The following GALNT13 variants were observed in gnomAD, a reference collection of about 807,000 sequenced individuals.
The protein encoded by GALNT13 is polypeptide N-acetylgalactosaminyltransferase 13, also known as UDP-GalNAc:polypeptide N-acetylgalactosaminyltransferase 13.
Under a neutral mutation model 64.2 loss-of-function variants are expected in GALNT13, and 28 were observed. The ratio of observed to expected loss-of-function variants is 0.44; its 90% CI spans 0.32 to 0.60. The LOEUF (loss-of-function observed/expected upper bound fraction) is 0.60, where lower values mean the gene tolerates loss of function less well. Ranked by LOEUF, GALNT13 falls within the 20% of genes least tolerant of loss-of-function variation. The pLI, the probability that GALNT13 is intolerant of heterozygous loss-of-function variation, is 0.05. For synonymous variants in GALNT13, 214 were observed against 224.6 expected, an observed-to-expected ratio of 0.95 and a Z score of 0.42; for missense variants, 577 against 669.8, an observed-to-expected ratio of 0.86 and a Z score of 1.53.
chr2:153,918,264 A>G (rs753349846), intron 2 of GALNT13, among the ~76,000 whole-genome samples: 1 of 152,166 alleles, frequency 6.6e-6, no homozygotes, highest in African/African-American at 2.4e-5. Flanking sequence ...TTGGAAGGTA[A>G]AAGAAATGGA....
At chr2:153,558,429 T>A in the GALNT13 span, among the ~76,000 whole-genome samples, 3 of 152,188 alleles carry the variant, frequency 2.0e-5, no homozygotes, top group Non-Finnish European at 2.9e-5. Context: ...TTCTGTCCTT[T>A]GAAATAGCCC....
At chr2:154,228,175 C>A (rs1688727060) in intron 4 of GALNT13, among the ~76,000 whole-genome samples, 1 of 151,790 alleles carries the variant, frequency 6.6e-6, no homozygotes, top group Non-Finnish European at 1.5e-5. Context: ...TTTCATTTTC[C>A]CATTAAAAAT....
At chr2:153,449,654 T>G in the GALNT13 span, 1 of 161,456 alleles carries the variant, frequency 6.2e-6, no homozygotes, top group South Asian at 1.8e-4. Context: ...ATAAAGAAGA[T>G]AAATTTATTT....
chr2:153,515,555 G>A, the GALNT13 span, among the ~76,000 whole-genome samples: 5 of 152,118 alleles, frequency 3.3e-5, no homozygotes, highest in Admixed American at 2.6e-4. Context: ...AGGCAGCATC[G>A]GTGAGCAAGG....
At chr2:153,524,955 G>T in the GALNT13 span, among the ~76,000 whole-genome samples, 4 of 152,050 alleles carry the variant, frequency 2.6e-5, no homozygotes, top group African/African-American at 7.2e-5. Flanking sequence ...TCCCCTAATC[G>T]CAGGCTATAC....
the GALNT13 span, among the ~76,000 whole-genome samples, chr2:153,559,926 AG>A: frequency 6.6e-6 from 1 of 152,098 alleles, no homozygotes; most frequent in South Asian, 2.1e-4. Context: ...ACACGTTAAT[AG>A]TATCTAATCA....
chr2:153,355,134 A>G, the GALNT13 span, among the ~76,000 whole-genome samples: 52 of 152,332 alleles, frequency 3.4e-4, 1 homozygote, highest in South Asian at 0.011. Context: ...GAAAACTTTA[A>G]TGATTTTTTC....
At chr2:153,432,349 G>T in the GALNT13 span, among the ~76,000 whole-genome samples, 2 of 152,130 alleles carry the variant, frequency 1.3e-5, no homozygotes, top group African/African-American at 2.4e-5. Flanking sequence ...TTAAGAAATG[G>T]TCATAAGCAG....
chr2:154,317,553 A>C (rs1254178778), intron 9 of GALNT13, among the ~76,000 whole-genome samples: 1 of 152,166 alleles, frequency 6.6e-6, no homozygotes. Context: ...AAATCACATT[A>C]TATTTTTTCT....
the GALNT13 span, among the ~76,000 whole-genome samples, chr2:153,298,759 G>C: frequency 3.9e-5 from 6 of 152,092 alleles, no homozygotes; most frequent in Non-Finnish European, 8.8e-5. Flanking sequence ...CAAACCCAAG[G>C]AATAACTTAT....
intron 3 of GALNT13, among the ~76,000 whole-genome samples, chr2:154,034,316 C>G (rs922923362): frequency 2.6e-5 from 4 of 152,090 alleles, no homozygotes; most frequent in Non-Finnish European, 5.9e-5. Flanking sequence ...TATACACACA[C>G]AGGGTAACAA....
At chr2:153,622,811 A>G in the GALNT13 span, among the ~76,000 whole-genome samples, 4 of 152,106 alleles carry the variant, frequency 2.6e-5, no homozygotes, top group Admixed American at 2.6e-4. Flanking sequence ...TTTTGCTTTT[A>G]TCTTTATTGC....
At chr2:153,851,392 A>T in the GALNT13 span, among the ~76,000 whole-genome samples, 1 of 152,164 alleles carries the variant, frequency 6.6e-6, no homozygotes, top group Non-Finnish European at 1.5e-5. Flanking sequence ...TGGTATTGAA[A>T]ATCTTTTAGG....
the GALNT13 span, among the ~76,000 whole-genome samples, chr2:153,438,840 C>G: frequency 2.0e-5 from 3 of 152,272 alleles, no homozygotes; most frequent in African/African-American, 7.2e-5. Flanking sequence ...TTTCTCCATC[C>G]AGCTTTGTTC....
chr2:154,142,746 T>C (rs1683332400), intron 4 of GALNT13, among the ~76,000 whole-genome samples: 1 of 151,788 alleles, frequency 6.6e-6, no homozygotes, highest in African/African-American at 2.4e-5. Flanking sequence ...CCCTGGGGAA[T>C]AGTTCAACAT....
At chr2:154,240,416 C>T (rs1689418925) in intron 4 of GALNT13, among the ~76,000 whole-genome samples, 1 of 152,208 alleles carries the variant, frequency 6.6e-6, no homozygotes, top group African/African-American at 2.4e-5. Context: ...GCCTCTAAAT[C>T]ATCTGGGAGC....
At chr2:153,295,460 C>G in the GALNT13 span, among the ~76,000 whole-genome samples, 3 of 151,290 alleles carry the variant, frequency 2.0e-5, no homozygotes, top group East Asian at 1.9e-4. Context: ...ACCAGCATAC[C>G]CTGAACTTGT....
the GALNT13 span, among the ~76,000 whole-genome samples, chr2:153,138,575 T>A: frequency 2.2e-4 from 34 of 152,060 alleles, no homozygotes; most frequent in Non-Finnish European, 1.3e-4. Flanking sequence ...AAAGAGAGAT[T>A]TGATAGAAGA....
chr2:154,392,409 G>T (rs988471245), intron 9 of GALNT13, among the ~76,000 whole-genome samples: 6 of 152,108 alleles, frequency 3.9e-5, no homozygotes, highest in Admixed American at 2.0e-4. Flanking sequence ...ACAGGTGAGG[G>T]GGTCTGGTGT....
Sources: allele counts gnomAD v4.1 joint callset (sites outside exome capture counted in the v4.1 genomes callset), GRCh38; gene constraint gnomAD v4.1.1; transcripts MANE v1.5; gene names NCBI Gene and HGNC (gene_info 2026-07-23, HGNC 2026-07-21).